CEP83: variants seen among roughly 807,000 people sequenced by gnomAD.
CEP83 encodes the protein centrosomal protein of 83 kDa.
CEP83 carries 70 observed loss-of-function variants against 101.9 expected under a neutral mutation model. That is an observed-to-expected ratio of 0.69 (90% CI 0.57 to 0.84). The LOEUF is 0.84. CEP83 is among the 40% of genes least tolerant of loss of function. CEP83 has a pLI of 0.00. For synonymous variants in CEP83, 264 were observed against 267.9 expected (o/e 0.99, Z 0.14); for missense variants, 715 against 787.2 (o/e 0.91, Z 1.10).
intron 6 of CEP83, among the ~76,000 whole-genome samples, chr12:94,391,826 G>C (rs1327590142): frequency 1.3e-5 from 2 of 151,886 alleles, no homozygotes; most frequent in Admixed American, 1.3e-4. Context: ...AAAAAGCAGG[G>C]GTTGAAATCC....
intron 14 of CEP83, among the ~76,000 whole-genome samples, chr12:94,323,450 T>C (rs1392655597): frequency 6.6e-6 from 1 of 152,074 alleles, no homozygotes; most frequent in Non-Finnish European, 1.5e-5. Flanking sequence ...ACCACTTCCC[T>C]GGGAAGAGGA....
At position 94,399,434 on chromosome 12, in the gene CEP83, G is replaced by A. The variant is rs2063115569; in HGVS notation, c.549+1416C>T. ...TTAAAATGAAGAAAATAAGGGCTGG[G>A]CACGATAGTCTATGCCTCTAATTCC... is the stretch of plus-strand genomic sequence containing the variant. On this transcript the variant is annotated intron_variant, in intron 6 of 16. Coordinates refer to ENST00000397809, the MANE Select transcript of CEP83 (RefSeq NM_016122.3). 5.3e-5 allele frequency among the ~76,000 whole-genome samples: 8 copies of A among 152,176 alleles called. No homozygotes were observed. The South Asian group carries it at 1.7e-3, about 32-fold the overall frequency.
At chr12:94,417,495 G>T (rs1161047205) in intron 2 of CEP83, among the ~76,000 whole-genome samples, 1 of 152,048 alleles carries the variant, frequency 6.6e-6, no homozygotes. Context: ...TTTCGATAGA[G>T]AACCACTGGT....
intron 9 of CEP83, 57 bp from the exon 10 acceptor site, chr12:94,368,258 C>T: frequency 5.2e-6 from 7 of 1,338,350 alleles, no homozygotes; most frequent in Non-Finnish European, 7.2e-6. Flanking sequence ...GATGAAAAAT[C>T]ACATTTAACA....
In CEP83 at chr12:94,451,956, T is replaced by C. The variant is rs193234618; in HGVS notation, c.-155+7601A>G. On this transcript the variant is annotated intron_variant, in intron 1 of 16. Transcript: ENST00000397809. Reference sequence around the variant, plus strand: ...TCACTGGTTACCAGTAAATGGGAAATACTATTCACCAATACTATTCAACTG... The same window carrying C: ...TCACTGGTTACCAGTAAATGGGAAACACTATTCACCAATACTATTCAACTG... Among the ~76,000 whole-genome samples the C allele has an allele frequency of 2.0e-4, 31 of 152,260 alleles. No homozygotes were observed. The East Asian group carries it at 4.4e-3, about 22-fold the overall frequency.
chr12:94,315,055 G>A (rs1307978493), intron 14 of CEP83, among the ~76,000 whole-genome samples: 1 of 151,926 alleles, frequency 6.6e-6, no homozygotes, highest in Non-Finnish European at 1.5e-5. Context: ...AATATTTTAC[G>A]AACATTCCTA....
intron 4 of CEP83, among the ~76,000 whole-genome samples, chr12:94,406,559 T>A (rs377500693): frequency 6.6e-6 from 1 of 152,062 alleles, no homozygotes; most frequent in Non-Finnish European, 1.5e-5. Flanking sequence ...AACTTTATTG[T>A]ACAGTTATTG....
intron 7 of CEP83, 131 bp downstream of exon 7, chr12:94,378,660 A>G: frequency 1.0e-6 from 1 of 952,918 alleles, no homozygotes; most frequent in Non-Finnish European, 1.6e-6. Context: ...AAGAATAAAT[A>G]CTCTTGGGAT....
chr12:94,325,494 T>C (rs558674094), intron 14 of CEP83, among the ~76,000 whole-genome samples: 1 of 152,296 alleles, frequency 6.6e-6, no homozygotes, highest in African/African-American at 2.4e-5. Flanking sequence ...ATTTTCCTCT[T>C]AGTACTCACC....
downstream of CEP83, among the ~76,000 whole-genome samples, chr12:94,301,757 G>A (rs936787996): frequency 2.0e-5 from 3 of 152,160 alleles, no homozygotes; most frequent in African/African-American, 7.2e-5. Context: ...CAGACTCCCA[G>A]TCATAATCTA....
At chr12:94,363,175 T>G (rs990243877) in intron 11 of CEP83, among the ~76,000 whole-genome samples, 1 of 152,218 alleles carries the variant, frequency 6.6e-6, no homozygotes, top group Admixed American at 6.5e-5. Flanking sequence ...AGAGACGATT[T>G]TGAATGTTCC....
intron 1 of CEP83, among the ~76,000 whole-genome samples, chr12:94,449,873 T>C (rs2067120772): frequency 7.3e-6 from 1 of 137,494 alleles, no homozygotes; most frequent in Admixed American, 7.5e-5. Flanking sequence ...TCTCCAACAA[T>C]CAATTAATAT....
At chr12:94,313,633 T>C (rs935717908) in intron 14 of CEP83, among the ~76,000 whole-genome samples, 4 of 150,832 alleles carry the variant, frequency 2.7e-5, no homozygotes, top group African/African-American at 9.8e-5. Flanking sequence ...GGTCAAGAGA[T>C]TGAGACCATC....
intron 7 of CEP83, among the ~76,000 whole-genome samples, chr12:94,376,467 CAG>C (rs1357334754): frequency 2.6e-5 from 4 of 151,402 alleles, no homozygotes; most frequent in African/African-American, 9.7e-5. Flanking sequence ...AAAAAAGAAA[CAG>C]GGAAAGATAT....
intron 14 of CEP83, among the ~76,000 whole-genome samples, chr12:94,319,250 T>C (rs1383651541): frequency 6.6e-6 from 1 of 152,224 alleles, no homozygotes; most frequent in Non-Finnish European, 1.5e-5. Context: ...GGGTCAGTGG[T>C]AACATCCCCT....
chr12:94,422,751 T>C (rs1336002541), intron 2 of CEP83, among the ~76,000 whole-genome samples: 1 of 152,254 alleles, frequency 6.6e-6, no homozygotes, highest in African/African-American at 2.4e-5. Flanking sequence ...CAAATAGCTG[T>C]GAGATTCACC....
intron 2 of CEP83, among the ~76,000 whole-genome samples, chr12:94,423,457 C>CTT (rs763433431): frequency 1.3e-4 from 16 of 120,548 alleles, no homozygotes; most frequent in African/African-American, 3.1e-4. Flanking sequence ...TCTGGTTCAA[C>CTT]TTTTTTTTTT....
Position 94,381,607 on chromosome 12 carries a change from T to C in CEP83, c.550-2565A>G, listed in dbSNP as rs542789557. Among the ~76,000 whole-genome samples the C allele has an allele frequency of 1.1e-3, 175 of 152,272 alleles. 2 individuals are homozygous for C. The Middle Eastern group carries it at 0.034, about 30-fold the overall frequency. On this transcript the variant is annotated intron_variant, in intron 6 of 16. Transcript: ENST00000397809. ...ATTACTCCATCCTTCTTTGTTGTTA[T>C]TACCTTTACGATATAACATAGGGAT...
intron 11 of CEP83, among the ~76,000 whole-genome samples, chr12:94,343,472 T>C (rs35022404): frequency 7.0e-5 from 2 of 28,610 alleles, no homozygotes; most frequent in Non-Finnish European, 1.4e-4. Context: ...GAAATTAACT[T>C]TTTTTTTTTT....
Sources: gnomAD v4.1 joint callset for allele counts (sites outside exome capture counted in the v4.1 genomes callset) on GRCh38, gnomAD v4.1.1 for gene constraint, MANE v1.5 for transcripts, NCBI Gene and HGNC (gene_info 2026-07-23, HGNC 2026-07-21) for gene names.